The following SCARA3 variants were observed in gnomAD, a reference collection of about 807,000 sequenced individuals.
The protein encoded by SCARA3 is cellular stress response gene protein.
In SCARA3, 39 loss-of-function variants were observed where a neutral mutation model predicts 47.0. That is an observed-to-expected ratio of 0.83 (90% CI 0.64 to 1.08). The LOEUF (loss-of-function observed/expected upper bound fraction) is 1.08, where lower values mean the gene tolerates loss of function less well. Among genes scored for constraint, SCARA3 ranks in the 50% least tolerant of loss-of-function variants. SCARA3 has a pLI of 0.00. For synonymous variants in SCARA3, 356 were observed against 334.1 expected (o/e 1.07, Z -0.71); for missense variants, 724 against 792.3 (o/e 0.91, Z 1.04).
At position 27,671,566 on chromosome 8, in the gene SCARA3, GCATGCACACA is replaced by G. The variant is rs1437627790; in HGVS notation, c.*226_*235del. 19 of 1,269,708 alleles carry G rather than the reference GCATGCACACA, an allele frequency of 1.5e-5. No individual in the cohort carries two copies. Among genetic ancestry groups the G allele is most frequent in the Non-Finnish European group, 1.9e-5 (19 of 1,010,916 alleles). The allele number at this position is 1,269,708 out of a possible 1,614,324, so 78.7% of individuals were successfully genotyped here. On this transcript the variant is annotated 3_prime_UTR_variant, in exon 6 of 6. Coordinates refer to ENST00000301904, the MANE Select transcript of SCARA3 (RefSeq NM_016240.3). ...CATACATGTGCACATGCACACACAT[GCATGCACACA>G]CATGCACACATACACGCACATGCAC...
At chr8:27,674,701 C>T (rs1432806149), downstream of SCARA3, among the ~76,000 whole-genome samples, 1 of 151,162 alleles carries the variant, frequency 6.6e-6, no homozygotes, top group Non-Finnish European at 1.5e-5. Flanking sequence ...TGAAGTCACT[C>T]CTGGGCCTCT....
Position 27,651,633 on chromosome 8 carries a change from T to A in SCARA3, c.226+6T>A, listed in dbSNP as rs373376805. ...GGCTGTGTTGGCCTCTCTGGGTGAG[T>A]CCGGGGCTTTCCCACCCCGGGCTGC... is the stretch of plus-strand genomic sequence containing the variant. On this transcript the variant is annotated splice_donor_region_variant and intron_variant, in intron 3 of 5. Transcript: ENST00000301904. 6.2e-7 allele frequency: 1 copy of A among 1,613,558 alleles called. No homozygotes were observed. Among genetic ancestry groups the A allele is most frequent in the Non-Finnish European group, 8.5e-7 (1 of 1,179,866 alleles).
intron 1 of SCARA3, among the ~76,000 whole-genome samples, chr8:27,643,158 C>T (rs1272930817): frequency 6.6e-6 from 1 of 152,218 alleles, no homozygotes; most frequent in East Asian, 1.9e-4. Flanking sequence ...TGAAGAATTG[C>T]ACCACCTGGA....
At chr8:27,646,965 CG>C (rs1349209508) in intron 1 of SCARA3, among the ~76,000 whole-genome samples, 4,718 of 48,210 alleles carry the variant, frequency 0.098, 80 homozygotes, top group Non-Finnish European at 0.14. Context: ...CACCCCTGAC[CG>C]CCCCCGCCCC....
At chr8:27,673,117 C>A, downstream of SCARA3, 1 of 524,752 alleles carries the variant, frequency 1.9e-6, no homozygotes, top group Non-Finnish European at 2.4e-6. Context: ...TGACGAGGGT[C>A]CCCCAAAAAT....
chr8:27,720,009 T>A, the SCARA3 span, among the ~76,000 whole-genome samples: 1 of 152,152 alleles, frequency 6.6e-6, no homozygotes, highest in African/African-American at 2.4e-5. Context: ...CAGGGAGAAC[T>A]TCCTGAAGAT....
the SCARA3 span, chr8:27,697,546 C>G: frequency 2.0e-5 from 3 of 152,316 alleles, no homozygotes; most frequent in Admixed American, 6.5e-5. Flanking sequence ...CTACTCAGAG[C>G]CCCACCAGAC....
At chr8:27,733,719 A>G in the SCARA3 span, 2 of 152,222 alleles carry the variant, frequency 1.3e-5, no homozygotes, top group African/African-American at 2.4e-5. Context: ...TACATGCTGT[A>G]CCTCAAATCA....
intron 3 of SCARA3, 45 bp downstream of exon 3, chr8:27,651,672 A>T: frequency 6.2e-7 from 1 of 1,606,076 alleles, no homozygotes; most frequent in Non-Finnish European, 8.5e-7. Flanking sequence ...GGGGTGTCTG[A>T]TCAGGGATCC....
the SCARA3 span, among the ~76,000 whole-genome samples, chr8:27,725,141 C>T: frequency 6.6e-6 from 1 of 152,072 alleles, no homozygotes; most frequent in Non-Finnish European, 1.5e-5. Flanking sequence ...GAGAGAAAGA[C>T]CCTGTCTCTA....
chr8:27,670,431 C>T (rs1585298519), intron 5 of SCARA3, among the ~76,000 whole-genome samples: 2 of 152,198 alleles, frequency 1.3e-5, no homozygotes, highest in Admixed American at 6.5e-5. Flanking sequence ...TGGGCTGTCA[C>T]TGTGCCCACT....
At position 27,672,860 on chromosome 8, in the gene SCARA3, C is replaced by T. The variant is rs1431249410; in HGVS notation, c.*1509C>T. 2.0e-6 allele frequency: 2 copies of T among 985,536 alleles called. No homozygotes were observed. The highest frequency in any genetic ancestry group is 4.7e-5 in the South Asian group (1 of 21,290). 61.0% of individuals were successfully genotyped at this position (985,536 alleles called of 1,614,324 possible). ...TCCTTCCCAACACGGACCCAGAGAGCAGCCCTTCCCTGCTCAAAGCCTTTC... is the reference window on the plus strand; with the variant it reads ...TCCTTCCCAACACGGACCCAGAGAGTAGCCCTTCCCTGCTCAAAGCCTTTC... On this transcript the variant is annotated 3_prime_UTR_variant, in exon 6 of 6. Coordinates refer to ENST00000301904, the MANE Select transcript of SCARA3 (RefSeq NM_016240.3).
At chr8:27,633,668 T>G (rs1801182336), upstream of SCARA3, among the ~76,000 whole-genome samples, 1 of 151,984 alleles carries the variant, frequency 6.6e-6, no homozygotes, top group Non-Finnish European at 1.5e-5. Context: ...GAGGCTGGGC[T>G]GTGGGGCTGC....
chr8:27,710,999 T>C, the SCARA3 span, among the ~76,000 whole-genome samples: 6 of 147,658 alleles, frequency 4.1e-5, no homozygotes, highest in Non-Finnish European at 8.9e-5. Context: ...CTCAGCTCAC[T>C]GCAACCTCTG....
At position 27,658,474 on chromosome 8, in the gene SCARA3, CTG is replaced by C; in HGVS notation, c.326-20_326-19del. 1 of 1,568,714 alleles carries C rather than the reference CTG, an allele frequency of 6.4e-7. No individual in the cohort carries two copies. The highest frequency in any genetic ancestry group is 8.6e-7 in the Non-Finnish European group (1 of 1,160,710). ...TACCCTGGCCCTTCAGCAACTCAAACTGTTATCCCTTTCCCCTAAAGATCCGA... is the reference window on the plus strand; with the variant it reads ...TACCCTGGCCCTTCAGCAACTCAAACTTATCCCTTTCCCCTAAAGATCCGA... On this transcript the variant is annotated intron_variant, in intron 4 of 5. Coordinates refer to ENST00000301904, the MANE Select transcript of SCARA3 (RefSeq NM_016240.3).
At chr8:27,697,692 A>G in the SCARA3 span, among the ~76,000 whole-genome samples, 1 of 152,188 alleles carries the variant, frequency 6.6e-6, no homozygotes, top group African/African-American at 2.4e-5. Flanking sequence ...TACTTGAATC[A>G]TGGGTGTGGT....
chr8:27,653,325 G>A (rs1023607600), intron 3 of SCARA3, among the ~76,000 whole-genome samples: 4 of 152,222 alleles, frequency 2.6e-5, no homozygotes, highest in East Asian at 1.9e-4. Context: ...CATTCCTCAC[G>A]GGAGGGTACA....
the SCARA3 span, among the ~76,000 whole-genome samples, chr8:27,684,507 A>T: frequency 6.6e-6 from 1 of 152,148 alleles, no homozygotes; most frequent in Admixed American, 6.5e-5. Context: ...TAACATAGGG[A>T]GATCCCATCT....
At chr8:27,661,016 C>T (rs547735110) in intron 5 of SCARA3, among the ~76,000 whole-genome samples, 1 of 152,302 alleles carries the variant, frequency 6.6e-6, no homozygotes, top group South Asian at 2.1e-4. Context: ...TTCCCTCTTA[C>T]TTGGGGGAGG....
Sources: gnomAD v4.1 joint callset for allele counts (sites outside exome capture counted in the v4.1 genomes callset) on GRCh38, gnomAD v4.1.1 for gene constraint, MANE v1.5 for transcripts, NCBI Gene and HGNC (gene_info 2026-07-23, HGNC 2026-07-21) for gene names.